KIF26B: variants seen among roughly 807,000 people sequenced by gnomAD.
KIF26B encodes kinesin family member 26B.
A neutral mutation model predicts 151.2 loss-of-function variants in KIF26B; 63 were observed. That is an observed-to-expected ratio of 0.42 (90% CI 0.34 to 0.51). The LOEUF (loss-of-function observed/expected upper bound fraction) is 0.51, where lower values mean the gene tolerates loss of function less well. Among genes scored for constraint, KIF26B ranks in the 20% least tolerant of loss-of-function variants. The probability of loss-of-function intolerance (pLI) is 0.07; values close to 1 mark genes in which losing one functional copy is unlikely to be tolerated. For missense variants in KIF26B, 2,813 were observed against 2,913.6 expected, an observed-to-expected ratio of 0.97 and a Z score of 0.79; for synonymous variants, 1,357 against 1,262.1, an observed-to-expected ratio of 1.08 and a Z score of -1.59.
At chr1:245,552,836 G>A (rs1483778806) in intron 5 of KIF26B, among the ~76,000 whole-genome samples, 2 of 152,148 alleles carry the variant, frequency 1.3e-5, no homozygotes, top group East Asian at 1.9e-4. Context: ...CTGGCCTCAA[G>A]TGATCCACCT....
rs960178998 is a variant in KIF26B at position 245,395,636 on chromosome 1, C to T, written c.1000-23943C>T. Among the ~76,000 whole-genome samples the T allele has an allele frequency of 5.3e-5, 8 of 152,200 alleles. No individual in the cohort carries two copies. In the South Asian group the frequency reaches 6.3e-4, roughly 12 times the overall value. On this transcript the variant is annotated intron_variant, in intron 3 of 14. Coordinates refer to ENST00000407071, the MANE Select transcript of KIF26B (RefSeq NM_018012.4). ...CTGGCAGATGCTATGAAATCAGAAC[C>T]TTTTTTCCTGGCAAGCTGGTATTTA...
intron 10 of KIF26B, 134 bp from the exon 11 acceptor site, chr1:245,684,099 A>T: frequency 2.3e-6 from 2 of 858,064 alleles, no homozygotes; most frequent in Non-Finnish European, 3.6e-6. Flanking sequence ...AAATGATGCT[A>T]ATTAGTATGC....
chr1:245,156,529 C>A lies in KIF26B; in HGVS notation c.311C>A (p.Pro104Gln). 1 of 1,535,136 alleles carries A rather than the reference C, an allele frequency of 6.5e-7. No homozygotes were observed. The highest frequency in any genetic ancestry group is 8.7e-7 in the Non-Finnish European group (1 of 1,146,198). ...TCGCCGGGCTCCTTGGGCGGCTCTC[C>A]GGGCTTCGGCACAGGCTCCCCGGGC... ...TSSPGSLGGS[P>Q]GFGTGSPGSG... Residue 104 changes from proline to glutamine, a missense_variant, in exon 2 of 15, where the codon CCG (proline) becomes CAG (glutamine). By Grantham distance (76) the Pro-to-Gln change is moderately conservative. This residue lies in a region of KIF26B where 676 missense variants were observed against 688.1 expected (regional missense o/e 0.98). Coordinates refer to ENST00000407071, the MANE Select transcript of KIF26B (RefSeq NM_018012.4).
chr1:245,297,146 C>G (rs1423977969), intron 2 of KIF26B, among the ~76,000 whole-genome samples: 1 of 152,134 alleles, frequency 6.6e-6, no homozygotes, highest in African/African-American at 2.4e-5. Context: ...AGTTCAAGAC[C>G]AGCCTGGCCA....
chr1:245,305,664 C>T (rs1045354144), intron 2 of KIF26B, among the ~76,000 whole-genome samples: 5 of 152,130 alleles, frequency 3.3e-5, no homozygotes, highest in African/African-American at 2.4e-5. Context: ...TGAGGCCGGT[C>T]GCAGTGGCTC....
intron 2 of KIF26B, among the ~76,000 whole-genome samples, chr1:245,362,866 C>T (rs990724618): frequency 5.3e-5 from 8 of 152,124 alleles, no homozygotes; most frequent in Non-Finnish European, 8.8e-5. Context: ...TTCTAAGTAT[C>T]GAATCCTTAC....
intron 2 of KIF26B, among the ~76,000 whole-genome samples, chr1:245,175,920 ATC>A (rs1558334596): frequency 2.8e-4 from 34 of 123,156 alleles, no homozygotes; most frequent in African/African-American, 1.1e-3. Context: ...CTATATCTAT[ATC>A]TATATATTTA....
At chr1:245,347,864 G>T (rs558450077) in intron 2 of KIF26B, among the ~76,000 whole-genome samples, 2 of 152,292 alleles carry the variant, frequency 1.3e-5, no homozygotes, top group South Asian at 2.1e-4. Flanking sequence ...TTGTTGACTG[G>T]CACCTACTAT....
intron 4 of KIF26B, among the ~76,000 whole-genome samples, chr1:245,464,688 A>G (rs1427412132): frequency 6.6e-6 from 1 of 151,076 alleles, no homozygotes; most frequent in Non-Finnish European, 1.5e-5. Flanking sequence ...ATGTGTGAGT[A>G]TGTGCATGTG....
At chr1:245,175,947 T>TC (rs1243651281) in intron 2 of KIF26B, among the ~76,000 whole-genome samples, 1 of 122,098 alleles carries the variant, frequency 8.2e-6, no homozygotes, top group African/African-American at 3.5e-5. Flanking sequence ...TCTATATATA[T>TC]AGATATCTAT....
chr1:245,510,111 G>A (rs1015503880), intron 4 of KIF26B, among the ~76,000 whole-genome samples: 1 of 152,078 alleles, frequency 6.6e-6, no homozygotes, highest in Non-Finnish European at 1.5e-5. Flanking sequence ...CTCTTTTGGG[G>A]GTTTCTTTCC....
rs140545867 is a variant in KIF26B at position 245,539,144 on chromosome 1, C to T, written c.1167-1623C>T. Among the ~76,000 whole-genome samples, 241 of 152,300 alleles carry T rather than the reference C, an allele frequency of 1.6e-3. 6 individuals are homozygous for T. In the East Asian group the frequency reaches 0.037, roughly 24 times the overall value. On this transcript the variant is annotated intron_variant, in intron 4 of 14. Transcript: ENST00000407071. The stretch of plus-strand genomic sequence containing the variant: ...ATCAGTAATTCCTCACATATCTCTT[C>T]CCCCTGTATTTCACTCTTGTGAAAC...
chr1:245,406,301 C>T (rs1674134193), intron 3 of KIF26B, among the ~76,000 whole-genome samples: 1 of 152,150 alleles, frequency 6.6e-6, no homozygotes, highest in Admixed American at 6.5e-5. Context: ...TACCAGGGGC[C>T]TGATGCCTGA....
At chr1:245,266,825 G>A (rs749415972) in intron 2 of KIF26B, among the ~76,000 whole-genome samples, 2 of 152,040 alleles carry the variant, frequency 1.3e-5, no homozygotes. Context: ...TTTTCTAATT[G>A]TGTGCCCCTG....
intron 2 of KIF26B, among the ~76,000 whole-genome samples, chr1:245,336,602 C>G (rs1373717148): frequency 6.6e-6 from 1 of 152,194 alleles, no homozygotes; most frequent in Non-Finnish European, 1.5e-5. Flanking sequence ...GCGGCTCGTG[C>G]GGAGCCCTGT....
In KIF26B at chr1:245,280,547, G is replaced by GAAAATAAAAT. The variant is rs200638765; in HGVS notation, c.466-86284_466-86283insATAAAATAAA. Among the ~76,000 whole-genome samples the GAAAATAAAAT allele has an allele frequency of 6.3e-5, 7 of 111,590 alleles. No homozygotes were observed. The East Asian group carries it at 1.7e-3, about 26-fold the overall frequency. The allele number at this position is 111,590 out of a possible 152,430, so 73.2% of individuals were successfully genotyped here. On this transcript the variant is annotated intron_variant, in intron 2 of 14. Coordinates refer to ENST00000407071, the MANE Select transcript of KIF26B (RefSeq NM_018012.4). ...CTCTGTCTCAAAAAAAAAAAGAAAAGAAATTATTTTAGGCAGATAAAGAGG... is the reference window on the plus strand; with the variant it reads ...CTCTGTCTCAAAAAAAAAAAGAAAAGAAAATAAAATAAATTATTTTAGGCAGATAAAGAGG...
chr1:245,444,129 CCCTT>C (rs1659191081), intron 4 of KIF26B, among the ~76,000 whole-genome samples: 1 of 88,466 alleles, frequency 1.1e-5, no homozygotes, highest in Non-Finnish European at 2.7e-5. Flanking sequence ...GCGGTCATCT[CCCTT>C]ACTGTTCACC....
intron 5 of KIF26B, among the ~76,000 whole-genome samples, chr1:245,589,036 C>T (rs555995544): frequency 2.0e-4 from 31 of 152,270 alleles, no homozygotes; most frequent in African/African-American, 7.2e-4. Flanking sequence ...GAGAACGTAG[C>T]GTTTGGTGCA....
rs532698233 is a variant in KIF26B, at chr1:245,629,212, C to T, written c.2099-16909C>T. 2.6e-5 allele frequency among the ~76,000 whole-genome samples: 4 copies of T among 152,302 alleles called. No individual in the cohort carries two copies. In the East Asian group the frequency reaches 7.7e-4, roughly 29 times the overall value. ...ATCCAGTGCTATTCCCATCAAACTA[C>T]ACTGACAGTCTTCACAGAATTAGAA... On this transcript the variant is annotated intron_variant, in intron 9 of 14. Coordinates refer to ENST00000407071, the MANE Select transcript of KIF26B (RefSeq NM_018012.4).
Sources: gnomAD v4.1 joint callset for allele counts (sites outside exome capture counted in the v4.1 genomes callset) on GRCh38, gnomAD v4.1.1 for gene constraint, gnomAD v4.1.1 regional missense constraint, MANE v1.5 for transcripts, NCBI Gene and HGNC (gene_info 2026-07-23, HGNC 2026-07-21) for gene names.